ELK3: variants seen among roughly 807,000 people sequenced by gnomAD.
ELK3 encodes ETS domain-containing protein Elk-3.
Under a neutral mutation model 28.9 loss-of-function variants are expected in ELK3, and 10 were observed. That is an observed-to-expected ratio of 0.35 (90% CI 0.21 to 0.59). ELK3 has a LOEUF of 0.59. Among genes scored for constraint, ELK3 ranks in the 20% least tolerant of loss-of-function variants. The pLI is 0.82. For synonymous variants in ELK3, 272 were observed against 243.5 expected, an observed-to-expected ratio of 1.12 and a Z score of -1.09; for missense variants, 463 against 517.3, an observed-to-expected ratio of 0.90 and a Z score of 1.02.
intron 2 of ELK3, among the ~76,000 whole-genome samples, chr12:96,236,702 C>T (rs1025514770): frequency 2.6e-5 from 4 of 152,194 alleles, no homozygotes; most frequent in Admixed American, 6.5e-5. Flanking sequence ...ACCCCAGTGG[C>T]GGCCCCAGGC....
chr12:96,194,500 C>G lies in ELK3; in HGVS notation c.-208C>G, dbSNP rs866786591. ...ATGCAGTAAAGGAAGTGAGCCGGCT[C>G]GGCCTGACTGCTCCAACTTCCTGCT... On this transcript the variant is annotated 5_prime_UTR_variant, in exon 1 of 5. Transcript: ENST00000228741. 6.6e-6 allele frequency: 1 copy of G among 150,596 alleles called. No homozygotes were observed. Among genetic ancestry groups the G allele is most frequent in the Non-Finnish European group, 1.5e-5 (1 of 67,612 alleles). 9.3% of individuals were successfully genotyped at this position (150,596 alleles called of 1,614,324 possible).
At chr12:96,209,492 C>T (rs1021192699) in intron 1 of ELK3, among the ~76,000 whole-genome samples, 1 of 152,194 alleles carries the variant, frequency 6.6e-6, no homozygotes, top group African/African-American at 2.4e-5. Context: ...TCTCATTGCA[C>T]TGGGTAAATA....
intron 1 of ELK3, among the ~76,000 whole-genome samples, chr12:96,220,344 A>T (rs1164773907): frequency 1.3e-5 from 2 of 149,220 alleles, no homozygotes; most frequent in Non-Finnish European, 3.0e-5. Context: ...AAATGTGATC[A>T]GCCGATCCCT....
chr12:96,240,592 G>A (rs1485740207), intron 2 of ELK3, among the ~76,000 whole-genome samples: 2 of 152,176 alleles, frequency 1.3e-5, no homozygotes, highest in African/African-American at 2.4e-5. Context: ...AAGGTCCCCT[G>A]CTCTGTCCCC....
chr12:96,243,800 A>G (rs1951837772), intron 2 of ELK3, among the ~76,000 whole-genome samples: 1 of 151,158 alleles, frequency 6.6e-6, no homozygotes. Context: ...CCGAGATCAC[A>G]CCACTGCACT....
intron 1 of ELK3, chr12:96,198,003 A>G (rs965314385): frequency 1.3e-5 from 2 of 152,154 alleles, no homozygotes; most frequent in South Asian, 2.1e-4. Context: ...ACCCAATTAT[A>G]TTTATATATC....
intron 2 of ELK3, among the ~76,000 whole-genome samples, chr12:96,224,678 T>C (rs1822302564): frequency 6.6e-6 from 1 of 152,240 alleles, no homozygotes. Context: ...GCAAAATTAT[T>C]GCTGTTTAGG....
intron 4 of ELK3, among the ~76,000 whole-genome samples, chr12:96,262,194 T>G (rs1014465752): frequency 6.6e-6 from 1 of 152,090 alleles, no homozygotes; most frequent in Non-Finnish European, 1.5e-5. Context: ...AATTTTTGTA[T>G]TTTTAGTAGA....
chr12:96,204,077 A>G (rs1951524321), intron 1 of ELK3, among the ~76,000 whole-genome samples: 1 of 152,176 alleles, frequency 6.6e-6, no homozygotes, highest in Non-Finnish European at 1.5e-5. Flanking sequence ...GTTTGGCTCT[A>G]TTGTTGGTAT....
chr12:96,257,463 T>C (rs1273861835), intron 3 of ELK3, among the ~76,000 whole-genome samples: 1 of 152,202 alleles, frequency 6.6e-6, no homozygotes, highest in African/African-American at 2.4e-5. Context: ...AATCCAGACA[T>C]GGGTATACGT....
rs79198847 is a variant in ELK3 at position 96,208,752 on chromosome 12, G to A, written c.-3+14047G>A. ...GCTCACACCAGAGGGAGTTTTGCAG[G>A]GACTGGAGAAAGGAGCTGCAAGGGG... is the stretch of plus-strand genomic sequence containing the variant. On this transcript the variant is annotated intron_variant, in intron 1 of 4. Coordinates refer to ENST00000228741, the MANE Select transcript of ELK3 (RefSeq NM_005230.4). Among the ~76,000 whole-genome samples, 933 of 152,304 alleles carry A rather than the reference G, an allele frequency of 6.1e-3. 14 individuals carry two copies. Among genetic ancestry groups the A allele is most frequent in the African/African-American group, 0.021 (890 of 41,572 alleles).
chr12:96,206,830 C>G (rs547280711), intron 1 of ELK3, among the ~76,000 whole-genome samples: 1 of 152,264 alleles, frequency 6.6e-6, no homozygotes, highest in South Asian at 2.1e-4. Flanking sequence ...CACCAACAGC[C>G]AGTCTCTTCC....
chr12:96,205,559 G>A (rs1015306037), intron 1 of ELK3, among the ~76,000 whole-genome samples: 1 of 152,058 alleles, frequency 6.6e-6, no homozygotes, highest in African/African-American at 2.4e-5. Context: ...CTGCAGCCTC[G>A]AGCTCCTGGG....
intron 3 of ELK3, among the ~76,000 whole-genome samples, chr12:96,258,942 G>T (rs1951971878): frequency 6.6e-6 from 1 of 152,308 alleles, no homozygotes; most frequent in South Asian, 2.1e-4. Context: ...CTGCTACAGG[G>T]TATTTTAACA....
rs969489224 is a variant in ELK3, at chr12:96,194,392, G to T, written c.-316G>T. On this transcript the variant is annotated 5_prime_UTR_variant, in exon 1 of 5. Transcript: ENST00000228741. Reference sequence around the variant, plus strand: ...GGGGAGGCGCGGGCCTGGGCGGCCAGCCCCGGCGCACAGCCGCGGCCGGGG... The same window carrying T: ...GGGGAGGCGCGGGCCTGGGCGGCCATCCCCGGCGCACAGCCGCGGCCGGGG... The T allele has an allele frequency of 2.0e-5, 3 of 146,738 alleles. No homozygotes were observed. Among genetic ancestry groups the T allele is most frequent in the Non-Finnish European group, 4.5e-5 (3 of 66,034 alleles). The allele number at this position is 146,738 out of a possible 1,614,324, so 9.1% of individuals were successfully genotyped here. A position where few individuals can be genotyped will look rare whatever the true frequency, so the allele number is the denominator to read the frequency against.
At chr12:96,244,106 C>T (rs1410141050) in intron 2 of ELK3, among the ~76,000 whole-genome samples, 1 of 150,580 alleles carries the variant, frequency 6.6e-6, no homozygotes, top group Non-Finnish European at 1.5e-5. Context: ...CCTTATTGTT[C>T]TTACTATAGT....
At chr12:96,215,667 G>A (rs571820448) in intron 1 of ELK3, among the ~76,000 whole-genome samples, 2 of 135,062 alleles carry the variant, frequency 1.5e-5, no homozygotes, top group African/African-American at 5.7e-5. Context: ...AGATGGTCTC[G>A]CTCTGTCACC....
chr12:96,223,986 T>C lies in ELK3; in HGVS notation c.207+213T>C, dbSNP rs1010313573. On this transcript the variant is annotated intron_variant, in intron 2 of 4. Transcript: ENST00000228741. ...ATATTACTGAGGGTCACATTTTGTT[T>C]CTTCTGCATTTTCGTCTGAGTTTGC... The C allele has an allele frequency of 7.1e-6, 4 of 565,720 alleles. No homozygotes were observed. In the African/African-American group the frequency reaches 7.5e-5, roughly 11 times the overall value. The allele number at this position is 565,720 out of a possible 1,614,324, so 35.0% of individuals were successfully genotyped here.
At chr12:96,215,640 T>G (rs1951609749) in intron 1 of ELK3, among the ~76,000 whole-genome samples, 1 of 151,520 alleles carries the variant, frequency 6.6e-6, no homozygotes, top group Non-Finnish European at 1.5e-5. Context: ...TTTTTTTTTT[T>G]TTTTTTTTTT....
Sources: allele counts gnomAD v4.1 joint callset (sites outside exome capture counted in the v4.1 genomes callset), GRCh38; gene constraint gnomAD v4.1.1; transcripts MANE v1.5; gene names NCBI Gene and HGNC (gene_info 2026-07-23, HGNC 2026-07-21).